The following WDR33 variants were observed in gnomAD, a reference collection of about 807,000 sequenced individuals.
WDR33 encodes the protein pre-mRNA 3' end processing protein WDR33.
Under a neutral mutation model 164.9 loss-of-function variants are expected in WDR33, and 47 were observed. That is an observed-to-expected ratio of 0.29 (90% CI 0.23 to 0.36). The LOEUF (loss-of-function observed/expected upper bound fraction) is 0.36. Ranked by LOEUF, WDR33 falls within the 10% of genes least tolerant of loss-of-function variation. The pLI is 1.00. For synonymous variants in WDR33, 505 were observed against 589.0 expected (o/e 0.86, Z 2.06); for missense variants, 1,137 against 1,754.1 (o/e 0.65, Z 6.28).
rs1316236993 is a variant in WDR33 at position 127,764,566 on chromosome 2, T to C, written c.626+262A>G. 2 of 1,549,980 alleles carry C rather than the reference T, an allele frequency of 1.3e-6. No homozygotes were observed. The highest frequency in any genetic ancestry group is 2.0e-5 in the Admixed American group (1 of 50,518). ...ACGTATACACATTATTAATCATAAA[T>C]GAAAAGAGAAAACCAGTGCAAAATG... is the stretch of plus-strand genomic sequence containing the variant. On this transcript the variant is annotated intron_variant, in intron 6 of 21. Coordinates refer to ENST00000322313, the MANE Select transcript of WDR33 (RefSeq NM_018383.5). This position sits in a 1 kb window ranked among gnomAD's most constrained non-coding sequence, Gnocchi z 6.2.
At position 127,720,487 on chromosome 2, in the gene WDR33, T is replaced by C; in HGVS notation, c.1672-134A>G. 1 of 1,095,640 alleles carries C rather than the reference T, an allele frequency of 9.1e-7. No individual in the cohort carries two copies. The highest frequency in any genetic ancestry group is 1.2e-6 in the Non-Finnish European group (1 of 821,944). 67.9% of individuals were successfully genotyped at this position (1,095,640 alleles called of 1,614,324 possible). A position where few individuals can be genotyped will look rare whatever the true frequency, so the allele number is the denominator to read the frequency against. ...GCTCAAACTCTTCACGCTCCAGTGG[T>C]AATTAGAGTCCATGCAACACTCAAG... On this transcript the variant is annotated intron_variant, in intron 15 of 21. Transcript: ENST00000322313. This position sits in a 1 kb window ranked among gnomAD's most constrained non-coding sequence, Gnocchi z 5.9.
rs35345585 is a variant in WDR33 at position 127,783,599 on chromosome 2, C to CTTTTT, written c.-23-12600_-23-12596dup. 1.3e-3 allele frequency among the ~76,000 whole-genome samples: 113 copies of CTTTTT among 84,394 alleles called. 1 individual carries two copies. Among genetic ancestry groups the CTTTTT allele is most frequent in the African/African-American group, 2.0e-3 (40 of 20,218 alleles). 55.4% of individuals were successfully genotyped at this position (84,394 alleles called of 152,430 possible). ...CTTCAGCTATTTTATTTCAGGACTCCTTTTTTTTTTTTTTTTTTTTTTTTT... is the reference window on the plus strand; with the variant it reads ...CTTCAGCTATTTTATTTCAGGACTCCTTTTTTTTTTTTTTTTTTTTTTTTTTTTTT... On this transcript the variant is annotated intron_variant, in intron 1 of 21. Transcript: ENST00000322313.
intron 1 of WDR33, among the ~76,000 whole-genome samples, chr2:127,774,111 G>C (rs1387555226): frequency 1.3e-5 from 2 of 148,230 alleles, no homozygotes; most frequent in Non-Finnish European, 3.0e-5. Flanking sequence ...GAGTGCAGTG[G>C]CATGATCTTG....
chr2:127,706,287 T>A lies in WDR33; in HGVS notation c.*36A>T. ...GAGTCCACAAGAAGTTCTTACATACTGTCCAGAGAGGCCTCAGGGTACTCA... is the reference window on the plus strand; with the variant it reads ...GAGTCCACAAGAAGTTCTTACATACAGTCCAGAGAGGCCTCAGGGTACTCA... On this transcript the variant is annotated 3_prime_UTR_variant, in exon 22 of 22. Transcript: ENST00000322313. This position sits in a 1 kb window ranked among gnomAD's most constrained non-coding sequence, Gnocchi z 5.1. 1 of 1,484,582 alleles carries A rather than the reference T, an allele frequency of 6.7e-7. No homozygotes were observed. The highest frequency in any genetic ancestry group is 1.4e-5 in the South Asian group (1 of 70,438). The allele number at this position is 1,484,582 out of a possible 1,614,324, so 92.0% of individuals were successfully genotyped here.
intron 7 of WDR33, among the ~76,000 whole-genome samples, chr2:127,742,676 A>T (rs1457193536): frequency 6.6e-6 from 1 of 151,962 alleles, no homozygotes; most frequent in Non-Finnish European, 1.5e-5. Context: ...AAGAAAAAAT[A>T]ATACTAGATA....
At position 127,710,091 on chromosome 2, in the gene WDR33, T is replaced by C. The variant is rs1686122195; in HGVS notation, c.3309-235A>G. Among the ~76,000 whole-genome samples the C allele has an allele frequency of 6.6e-6, 1 of 152,238 alleles. No homozygotes were observed. Among genetic ancestry groups the C allele is most frequent in the African/African-American group, 2.4e-5 (1 of 41,468 alleles). On this transcript the variant is annotated intron_variant, in intron 18 of 21. Coordinates refer to ENST00000322313, the MANE Select transcript of WDR33 (RefSeq NM_018383.5). The surrounding 1 kb of genome is among the most constrained non-coding windows in gnomAD (Gnocchi z 4.4). ...GTGTGGAGTTACTTTAAGCTTCTTT[T>C]AGGCTTTTAGGTATATACAAGTATT...
intron 1 of WDR33, among the ~76,000 whole-genome samples, chr2:127,778,565 T>C (rs760662624): frequency 8.6e-5 from 13 of 151,952 alleles, no homozygotes; most frequent in Non-Finnish European, 5.9e-5. Context: ...CGTTTCTCAG[T>C]ACAGAAGAGC....
chr2:127,721,571 C>A lies in WDR33; in HGVS notation c.1671+265G>T, dbSNP rs1446516063. 2.0e-5 allele frequency among the ~76,000 whole-genome samples: 3 copies of A among 152,154 alleles called. No homozygotes were observed. Among genetic ancestry groups the A allele is most frequent in the African/African-American group, 7.2e-5 (3 of 41,422 alleles). On this transcript the variant is annotated intron_variant, in intron 15 of 21. Transcript: ENST00000322313. This position sits in a 1 kb window ranked among gnomAD's most constrained non-coding sequence, Gnocchi z 4.9. ...GAGGTTGTAGCAAGCCGTGATCGCACCACTGCATTCCAGCCTGGGTGACAG... is the reference window on the plus strand; with the variant it reads ...GAGGTTGTAGCAAGCCGTGATCGCAACACTGCATTCCAGCCTGGGTGACAG...
At chr2:127,732,813 T>C (rs575736771) in intron 7 of WDR33, among the ~76,000 whole-genome samples, 2 of 152,342 alleles carry the variant, frequency 1.3e-5, no homozygotes, top group South Asian at 4.1e-4. Flanking sequence ...AACTTAATCT[T>C]ATCTAAATTA....
chr2:127,719,369 G>A lies in WDR33; in HGVS notation c.2656C>T (p.Gln886Ter). 1 of 1,516,646 alleles carries A rather than the reference G, an allele frequency of 6.6e-7. No individual in the cohort carries two copies. Among genetic ancestry groups the A allele is most frequent in the Non-Finnish European group, 8.8e-7 (1 of 1,134,416 alleles). The allele number at this position is 1,516,646 out of a possible 1,614,324, so 93.9% of individuals were successfully genotyped here. ...TGTGGCCCTCTTGCTGGGTTCTGCT[G>A]TCCCTGAGGTCCGGGGGGTCCTTGC... Reference protein sequence around the residue: ...GMQGPPGPQGQQNPARGPHPS... With the variant: ...GMQGPPGPQG Residue 886 changes from glutamine to a stop codon, truncating the protein, a stop_gained, in exon 16 of 22, where the codon CAG (glutamine) becomes TAG (stop). Transcript: ENST00000322313. LOFTEE classifies it high-confidence loss of function. The surrounding 1 kb of genome is among the most constrained non-coding windows in gnomAD (Gnocchi z 6.5).
chr2:127,744,682 G>A (rs2105406692), intron 7 of WDR33, among the ~76,000 whole-genome samples: 1 of 152,280 alleles, frequency 6.6e-6, no homozygotes, highest in South Asian at 2.1e-4. Context: ...GTAAAAGGCA[G>A]AAGTTCTCAA....
intron 4 of WDR33, 32 bp downstream of exon 4, chr2:127,768,156 AT>A (rs767436510): frequency 2.8e-5 from 39 of 1,382,798 alleles, no homozygotes; most frequent in Non-Finnish European, 3.6e-5. Flanking sequence ...CGCAGGATTA[AT>A]TTTCCCCCAA....
At chr2:127,772,132 CA>C (rs768991614) in intron 1 of WDR33, among the ~76,000 whole-genome samples, 57 of 148,810 alleles carry the variant, frequency 3.8e-4, no homozygotes, top group Non-Finnish European at 6.5e-4. Context: ...CCTGGCCTTA[CA>C]TTTTTAAAAT....
At chr2:127,711,780 A>ATATATATATATTTTTTTTTTTTTTTT in intron 18 of WDR33, among the ~76,000 whole-genome samples, 2 of 88,308 alleles carry the variant, frequency 2.3e-5, no homozygotes, top group African/African-American at 1.3e-4. Context: ...ATATATATAT[A>ATATATATATATTTTTTTTTTTTTTTT]TTTTTTTTTT....
chr2:127,716,415 GTGT>G lies in WDR33; in HGVS notation c.2869+737_2869+739del. Among the ~76,000 whole-genome samples the G allele has an allele frequency of 6.6e-6, 1 of 152,264 alleles. No individual in the cohort carries two copies. The highest frequency in any genetic ancestry group is 2.1e-4 in the South Asian group (1 of 4,820). On this transcript the variant is annotated intron_variant, in intron 17 of 21. Transcript: ENST00000322313. The surrounding 1 kb of genome is among the most constrained non-coding windows in gnomAD (Gnocchi z 4.5). ...GTTGTGGTTTCTCCCCGTTATGAAA[GTGT>G]GTGTCGAACATAACACAGTGTTTCC... is the stretch of plus-strand genomic sequence containing the variant.
chr2:127,726,867 G>T lies in WDR33; in HGVS notation c.725-90C>A. Reference sequence around the variant, plus strand: ...AGTAGAGAAACCTAGTAAATGTTTTGCTCTCAGTGCTCAGTCAACTTAAAA... The same window carrying T: ...AGTAGAGAAACCTAGTAAATGTTTTTCTCTCAGTGCTCAGTCAACTTAAAA... On this transcript the variant is annotated intron_variant, in intron 7 of 21. Coordinates refer to ENST00000322313, the MANE Select transcript of WDR33 (RefSeq NM_018383.5). This position sits in a 1 kb window ranked among gnomAD's most constrained non-coding sequence, Gnocchi z 4.8. The T allele has an allele frequency of 6.6e-7, 1 of 1,513,514 alleles. No homozygotes were observed. The highest frequency in any genetic ancestry group is 9.0e-7 in the Non-Finnish European group (1 of 1,116,780). The allele number at this position is 1,513,514 out of a possible 1,614,324, so 93.8% of individuals were successfully genotyped here. A position where few individuals can be genotyped will look rare whatever the true frequency, so the allele number is the denominator to read the frequency against.
Position 127,723,128 on chromosome 2 carries a change from C to A in WDR33, c.1292-84G>T, listed in dbSNP as rs1686482515. On this transcript the variant is annotated intron_variant, in intron 12 of 21. Transcript: ENST00000322313. This position sits in a 1 kb window ranked among gnomAD's most constrained non-coding sequence, Gnocchi z 5.9. ...ATTAATGCTTTATAAAAATGAATGT[C>A]ACTGATGATTTATAAATAAATCTAC... 5 of 1,425,846 alleles carry A rather than the reference C, an allele frequency of 3.5e-6. No homozygotes were observed. The highest frequency in any genetic ancestry group is 1.3e-5 in the South Asian group (1 of 77,000). 88.3% of individuals were successfully genotyped at this position (1,425,846 alleles called of 1,614,324 possible).
intron 1 of WDR33, among the ~76,000 whole-genome samples, chr2:127,785,681 C>T (rs544927402): frequency 8.0e-4 from 122 of 152,090 alleles, no homozygotes; most frequent in African/African-American, 2.7e-3. Context: ...TATTACTTTT[C>T]GTTACTCTAT....
At chr2:127,761,026 A>C (rs371572590) in intron 7 of WDR33, among the ~76,000 whole-genome samples, 5 of 152,318 alleles carry the variant, frequency 3.3e-5, no homozygotes, top group Middle Eastern at 6.8e-3. Flanking sequence ...ATTTCAAAGG[A>C]AAGTTCTTAA....
Sources: allele counts gnomAD v4.1 joint callset (sites outside exome capture counted in the v4.1 genomes callset), GRCh38; gene constraint gnomAD v4.1.1; non-coding constraint Gnocchi (gnomAD v3.1); transcripts MANE v1.5; gene names NCBI Gene and HGNC (gene_info 2026-07-23, HGNC 2026-07-21).